AAMDC: variants seen among roughly 807,000 people sequenced by gnomAD.
AAMDC encodes the protein adipogenesis associated Mth938 domain containing, also known as mth938 domain-containing protein.
In AAMDC, 16 loss-of-function variants were observed where a neutral mutation model predicts 15.5. The observed-to-expected ratio is 1.03, with a 90% confidence interval of 0.70 to 1.57. The LOEUF is 1.57. Ranked by LOEUF, AAMDC falls within the 40% of genes most tolerant of loss-of-function variation. AAMDC has a pLI of 0.00. For synonymous variants in AAMDC, 51 were observed against 51.6 expected, an observed-to-expected ratio of 0.99 and a Z score of 0.05; for missense variants, 141 against 144.9, an observed-to-expected ratio of 0.97 and a Z score of 0.14.
At chr11:77,835,990 G>C (rs1949666617) in intron 1 of AAMDC, among the ~76,000 whole-genome samples, 1 of 152,110 alleles carries the variant, frequency 6.6e-6, no homozygotes, top group Non-Finnish European at 1.5e-5. Context: ...TGTAGAGTCA[G>C]ACAGACTTGG....
At chr11:77,859,643 G>A (rs1025538258) in intron 2 of AAMDC, among the ~76,000 whole-genome samples, 3 of 152,160 alleles carry the variant, frequency 2.0e-5, no homozygotes, top group Non-Finnish European at 4.4e-5. Flanking sequence ...GGCATACCCC[G>A]CATTTTGAAG....
chr11:77,875,041 C>CA (rs397791397), downstream of AAMDC, among the ~76,000 whole-genome samples: 9,280 of 120,802 alleles, frequency 0.077, 915 homozygotes, highest in African/African-American at 0.25. Flanking sequence ...GACTCCATCT[C>CA]AAAAAAAAAA....
intron 5 of AAMDC, among the ~76,000 whole-genome samples, chr11:77,887,352 G>A (rs2039421717): frequency 1.3e-5 from 2 of 152,260 alleles, no homozygotes; most frequent in Admixed American, 1.3e-4. Flanking sequence ...GGCAGAAAAG[G>A]CCTTTGACAA....
At chr11:77,867,235 T>C (rs1203233510) in intron 2 of AAMDC, among the ~76,000 whole-genome samples, 1 of 152,214 alleles carries the variant, frequency 6.6e-6, no homozygotes, top group East Asian at 1.9e-4. Context: ...GCCCATTTGT[T>C]ATCTCTTTGA....
chr11:77,832,997 G>GTA (rs1208174301), intron 1 of AAMDC, among the ~76,000 whole-genome samples: 5 of 76,198 alleles, frequency 6.6e-5, no homozygotes, highest in South Asian at 9.2e-4. Context: ...GTGTGTGTGT[G>GTA]TATATATATA....
intron 1 of AAMDC, among the ~76,000 whole-genome samples, chr11:77,822,188 C>T (rs1284361396): frequency 1.3e-5 from 2 of 151,536 alleles, no homozygotes; most frequent in Non-Finnish European, 3.0e-5. Context: ...GCCTGTAATC[C>T]CAACACTTTG....
intron 5 of AAMDC, among the ~76,000 whole-genome samples, chr11:77,894,906 T>C (rs1197727992): frequency 6.6e-6 from 1 of 152,240 alleles, no homozygotes; most frequent in Admixed American, 6.5e-5. Context: ...CTGGTCTACA[T>C]GCAATTTACT....
intron 2 of AAMDC, among the ~76,000 whole-genome samples, chr11:77,861,729 C>G (rs1200436427): frequency 6.6e-6 from 1 of 152,182 alleles, no homozygotes; most frequent in African/African-American, 2.4e-5. Context: ...ATTTCCCTAG[C>G]CTTTCCGTGT....
At chr11:77,899,756 G>A (rs1952696175) in intron 5 of AAMDC, among the ~76,000 whole-genome samples, 1 of 151,966 alleles carries the variant, frequency 6.6e-6, no homozygotes, top group African/African-American at 2.4e-5. Flanking sequence ...GACATGACAA[G>A]ATAAGCATAT....
At chr11:77,883,425 T>A (rs1951870193) in intron 5 of AAMDC, among the ~76,000 whole-genome samples, 1 of 152,176 alleles carries the variant, frequency 6.6e-6, no homozygotes, top group African/African-American at 2.4e-5. Context: ...TCCTCACAAC[T>A]AATTTGTAGG....
chr11:77,859,701 G>A (rs1590962397), intron 2 of AAMDC, among the ~76,000 whole-genome samples: 3 of 152,140 alleles, frequency 2.0e-5, no homozygotes, highest in Admixed American at 2.0e-4. Flanking sequence ...TTGAGGTTGG[G>A]ATCAGTCAAG....
At chr11:77,875,266 A>G (rs140897142), downstream of AAMDC, among the ~76,000 whole-genome samples, 1 of 152,336 alleles carries the variant, frequency 6.6e-6, no homozygotes, top group Non-Finnish European at 1.5e-5. Context: ...GGCATACAGC[A>G]CAGACATTCT....
intron 2 of AAMDC, among the ~76,000 whole-genome samples, chr11:77,862,339 G>A (rs983146349): frequency 6.6e-6 from 1 of 152,174 alleles, no homozygotes; most frequent in African/African-American, 2.4e-5. Flanking sequence ...ATATCTCCAT[G>A]TCAGATCAGA....
In AAMDC at chr11:77,896,108, A is replaced by G. The variant is rs1373673193; in HGVS notation, c.329-4463A>G. On this transcript the variant is annotated intron_variant, in intron 5 of 5. Coordinates refer to the AAMDC transcript ENST00000304716. ...CAAGAAAGCACAGAAAACTTTTTTA[A>G]AAATTCTAATCAACAACCTCGGTGA... 2.0e-5 allele frequency among the ~76,000 whole-genome samples: 3 copies of G among 152,338 alleles called. No individual in the cohort carries two copies. The East Asian group carries it at 5.8e-4, about 29-fold the overall frequency.
chr11:77,839,935 AATGAACGTGC>A (rs1555008350), intron 1 of AAMDC, among the ~76,000 whole-genome samples: 1 of 152,172 alleles, frequency 6.6e-6, no homozygotes, highest in Non-Finnish European at 1.5e-5. Flanking sequence ...GTACCTATGT[AATGAACGTGC>A]ATGTCTTACA....
chr11:77,890,926 T>G (rs1316390154), intron 5 of AAMDC, among the ~76,000 whole-genome samples: 1 of 152,228 alleles, frequency 6.6e-6, no homozygotes, highest in East Asian at 1.9e-4. Context: ...AAATTTTATC[T>G]GCCAGCCGAC....
At chr11:77,889,584 C>A (rs1159282723) in intron 5 of AAMDC, among the ~76,000 whole-genome samples, 1 of 152,130 alleles carries the variant, frequency 6.6e-6, no homozygotes, top group African/African-American at 2.4e-5. Flanking sequence ...GAATGGAGTT[C>A]TGCAGGGTTT....
intron 5 of AAMDC, chr11:77,884,043 A>G: frequency 7.5e-7 from 1 of 1,333,464 alleles, no homozygotes; most frequent in Non-Finnish European, 1.0e-6. Flanking sequence ...TCAAAACACA[A>G]GAAGAAACAT....
downstream of AAMDC, among the ~76,000 whole-genome samples, chr11:77,876,124 G>A (rs759857255): frequency 6.6e-6 from 1 of 151,750 alleles, no homozygotes; most frequent in South Asian, 2.1e-4. Context: ...TGAAGGAAGA[G>A]GAATCTAAAG....
Sources: allele counts gnomAD v4.1 joint callset (sites outside exome capture counted in the v4.1 genomes callset), GRCh38; gene constraint gnomAD v4.1.1; transcripts MANE v1.5; gene names NCBI Gene and HGNC (gene_info 2026-07-23, HGNC 2026-07-21).